SIMC1: variants seen among roughly 807,000 people sequenced by gnomAD.
SIMC1 encodes SUMO-interacting motif-containing protein 1.
SIMC1 carries 55 observed loss-of-function variants against 82.3 expected under a neutral mutation model. That is an observed-to-expected ratio of 0.67 (90% CI 0.54 to 0.84). SIMC1 has a LOEUF of 0.84. Ranked by LOEUF, SIMC1 falls within the 40% of genes least tolerant of loss-of-function variation. The pLI, the probability that SIMC1 is intolerant of heterozygous loss-of-function variation, is 0.00. For missense variants in SIMC1, 915 were observed against 1,107.2 expected (o/e 0.83, Z 2.46); for synonymous variants, 353 against 426.3 (o/e 0.83, Z 2.12).
intron 7 of SIMC1, 65 bp from the exon 8 acceptor site, chr5:176,336,655 T>C (rs1765908839): frequency 1.3e-6 from 2 of 1,577,924 alleles, no homozygotes; most frequent in East Asian, 2.2e-5. Context: ...TCAGGGTGAA[T>C]TGTGGCTCAT....
At chr5:176,324,564 C>T in intron 6 of SIMC1, 65 bp from the exon 7 acceptor site, 2 of 1,551,832 alleles carry the variant, frequency 1.3e-6, no homozygotes, top group South Asian at 1.2e-5. Flanking sequence ...GGGACCTCCT[C>T]CCAGCCAGAG....
chr5:176,291,073 T>G, intron 2 of SIMC1, 118 bp downstream of exon 2: 1 of 649,786 alleles, frequency 1.5e-6, no homozygotes. Flanking sequence ...ATTTCTTATC[T>G]TTCCTCCACT....
chr5:176,257,703 AT>A (rs1252405452), intron 1 of SIMC1, among the ~76,000 whole-genome samples: 1 of 151,978 alleles, frequency 6.6e-6, no homozygotes, highest in Non-Finnish European at 1.5e-5. Flanking sequence ...TCTCCTTACT[AT>A]TTTTCCCCCC....
chr5:176,313,480 A>T, intron 4 of SIMC1: 5 of 1,551,034 alleles, frequency 3.2e-6, no homozygotes, highest in Non-Finnish European at 4.4e-6. Context: ...CTGAAACCTT[A>T]TAAGGTATGA....
At position 176,337,092 on chromosome 5, in the gene SIMC1, G is replaced by A. The variant is rs769706590; in HGVS notation, c.2359G>A (p.Glu787Lys). ...TAAAAGCCAGTGGCAGACTTGGGAC[G>A]AATTGGTTGAGCATCTGCAGTTTCT... ...SDKSQWQTWD[E>K]LVEHLQFLLS... The change falls in exon 9 of 10, where the codon GAA becomes AAA. Residue 787 changes from glutamate (E) to lysine (K), a missense_variant. By Grantham distance (56) the Glu-to-Lys change is moderately conservative. Transcript: ENST00000429602. 3.7e-6 allele frequency: 6 copies of A among 1,613,974 alleles called. No individual in the cohort carries two copies. Among genetic ancestry groups the A allele is most frequent in the African/African-American group, 1.3e-5 (1 of 75,046 alleles).
chr5:176,291,956 T>C (rs1161104585), intron 2 of SIMC1, among the ~76,000 whole-genome samples: 1 of 152,152 alleles, frequency 6.6e-6, no homozygotes, highest in Non-Finnish European at 1.5e-5. Context: ...CTCAGGAGGC[T>C]GAGGCAGGAG....
intron 1 of SIMC1, among the ~76,000 whole-genome samples, chr5:176,265,377 CTG>C (rs1346675435): frequency 6.6e-6 from 1 of 152,222 alleles, no homozygotes; most frequent in Non-Finnish European, 1.5e-5. Context: ...TAACCAAAAA[CTG>C]TGAACAGAAA....
At chr5:176,323,833 A>C (rs1765260669) in intron 6 of SIMC1, among the ~76,000 whole-genome samples, 2 of 151,972 alleles carry the variant, frequency 1.3e-5, no homozygotes, top group African/African-American at 4.8e-5. Flanking sequence ...AAAAAAATAC[A>C]AAAAAATAGC....
chr5:176,325,450 C>T (rs1765349303), intron 7 of SIMC1, among the ~76,000 whole-genome samples: 1 of 151,356 alleles, frequency 6.6e-6, no homozygotes, highest in Non-Finnish European at 1.5e-5. Context: ...CTTTGGGAGA[C>T]CAAGGCGGGC....
chr5:176,243,591 G>A (rs1280717026), intron 1 of SIMC1, among the ~76,000 whole-genome samples: 8 of 151,460 alleles, frequency 5.3e-5, no homozygotes, highest in East Asian at 3.9e-4. Flanking sequence ...GTGCGATCTC[G>A]GCTCACTGCA....
At chr5:176,312,492 C>T (rs1469758493) in intron 4 of SIMC1, among the ~76,000 whole-genome samples, 4 of 142,480 alleles carry the variant, frequency 2.8e-5, no homozygotes, top group Non-Finnish European at 4.5e-5. Flanking sequence ...GCCAAGATCG[C>T]GCCACTGCAT....
chr5:176,342,370 C>T (rs1259004905), intron 9 of SIMC1, among the ~76,000 whole-genome samples: 1 of 152,140 alleles, frequency 6.6e-6, no homozygotes, highest in Non-Finnish European at 1.5e-5. Flanking sequence ...GTACTTGTCT[C>T]CCTTTTATTA....
intron 5 of SIMC1, among the ~76,000 whole-genome samples, chr5:176,314,064 C>T (rs1021155713): frequency 2.0e-5 from 3 of 152,108 alleles, no homozygotes; most frequent in East Asian, 3.9e-4. Context: ...GTCAGGAGTT[C>T]GAAACCAGCC....
chr5:176,311,564 GA>G, intron 4 of SIMC1, among the ~76,000 whole-genome samples: 1 of 150,504 alleles, frequency 6.6e-6, no homozygotes, highest in Non-Finnish European at 1.5e-5. Flanking sequence ...AAAAAAAAAA[GA>G]GAGAAAGAAT....
rs538056152 is a variant in SIMC1 at position 176,285,117 on chromosome 5, A to G, written c.130-4537A>G. On this transcript the variant is annotated intron_variant, in intron 1 of 9. Transcript: ENST00000429602. ...ATTCCAATTGATAGAAAAAGAGGGA[A>G]TCCTCCCTAACTCATTTTATGAGGC... Among the ~76,000 whole-genome samples, 12 of 152,334 alleles carry G rather than the reference A, an allele frequency of 7.9e-5. No individual in the cohort carries two copies. In the South Asian group the frequency reaches 1.5e-3, roughly 18 times the overall value.
chr5:176,339,299 G>A (rs991749443), intron 9 of SIMC1, among the ~76,000 whole-genome samples: 2 of 152,132 alleles, frequency 1.3e-5, no homozygotes, highest in African/African-American at 4.8e-5. Context: ...GGGAGGTGGA[G>A]GTTGCAGTGA....
At chr5:176,292,458 A>AT (rs1179941441) in intron 2 of SIMC1, among the ~76,000 whole-genome samples, 3 of 151,814 alleles carry the variant, frequency 2.0e-5, no homozygotes, top group Non-Finnish European at 4.4e-5. Flanking sequence ...TTGGAGAATG[A>AT]TTTTTTTTCT....
intron 1 of SIMC1, among the ~76,000 whole-genome samples, chr5:176,250,223 C>T (rs1761605010): frequency 6.6e-6 from 1 of 152,126 alleles, no homozygotes. Context: ...TCGTTATTTA[C>T]CCAGTAGTTA....
At chr5:176,313,342 TAA>T in intron 4 of SIMC1, 2 of 1,488,726 alleles carry the variant, frequency 1.3e-6, no homozygotes, top group Non-Finnish European at 1.8e-6. Flanking sequence ...GGCTGCCTCT[TAA>T]ATCAAATGAT....
Sources: allele counts gnomAD v4.1 joint callset (sites outside exome capture counted in the v4.1 genomes callset), GRCh38; gene constraint gnomAD v4.1.1; transcripts MANE v1.5; gene names NCBI Gene and HGNC (gene_info 2026-07-23, HGNC 2026-07-21).